The following FER1L6 variants were observed in gnomAD, a reference collection of about 807,000 sequenced individuals.
The protein encoded by FER1L6 is fer-1-like protein 6.
FER1L6 carries 177 observed loss-of-function variants against 219.2 expected under a neutral mutation model. That is an observed-to-expected ratio of 0.81 (90% CI 0.71 to 0.91). The LOEUF (loss-of-function observed/expected upper bound fraction) is 0.91, where lower values mean the gene tolerates loss of function less well. Among genes scored for constraint, FER1L6 ranks in the 40% least tolerant of loss-of-function variants. The pLI is 0.00. For synonymous variants in FER1L6, 768 were observed against 824.3 expected, an observed-to-expected ratio of 0.93 and a Z score of 1.17; for missense variants, 2,153 against 2,259.9, an observed-to-expected ratio of 0.95 and a Z score of 0.96.
At chr8:123,870,529 A>T (rs1816368) in intron 1 of FER1L6, among the ~76,000 whole-genome samples, 1 of 152,094 alleles carries the variant, frequency 6.6e-6, no homozygotes, top group Non-Finnish European at 1.5e-5. Flanking sequence ...TCTTCAATGC[A>T]TATTGCCAAG....
intron 13 of FER1L6, among the ~76,000 whole-genome samples, chr8:124,005,998 G>A (rs80169152): frequency 0.037 from 5,678 of 152,064 alleles, 225 homozygotes; most frequent in East Asian, 0.11. Flanking sequence ...GTAATTTTTC[G>A]TTCCCTGAAA....
intron 14 of FER1L6, 130 bp downstream of exon 14, chr8:124,010,844 A>G (rs1235210668): frequency 7.8e-7 from 1 of 1,279,030 alleles, no homozygotes; most frequent in African/African-American, 1.5e-5. Flanking sequence ...CTGCATTTGG[A>G]GGGCACGTGG....
intron 19 of FER1L6, among the ~76,000 whole-genome samples, chr8:124,038,299 A>G (rs115645160): frequency 0.018 from 2,688 of 152,298 alleles, 88 homozygotes; most frequent in African/African-American, 0.06. Context: ...TTTTCTTTGA[A>G]TGTGCTTTGG....
At chr8:123,973,560 A>C (rs753190863) in intron 7 of FER1L6, 48 bp downstream of exon 7, 5 of 1,405,144 alleles carry the variant, frequency 3.6e-6, no homozygotes, top group Non-Finnish European at 5.1e-6. Flanking sequence ...TCTTTGGTTT[A>C]TAGCACCTGG....
At chr8:123,991,723 A>G (rs1443096925) in intron 12 of FER1L6, among the ~76,000 whole-genome samples, 1 of 152,152 alleles carries the variant, frequency 6.6e-6, no homozygotes, top group African/African-American at 2.4e-5. Context: ...GACTTCCAGT[A>G]TTAAGTTGCA....
chr8:124,033,344 C>G (rs568164694), intron 18 of FER1L6, among the ~76,000 whole-genome samples: 1 of 152,026 alleles, frequency 6.6e-6, no homozygotes, highest in African/African-American at 2.4e-5. Flanking sequence ...GCTTTCAATA[C>G]GTATTAATTT....
chr8:123,932,617 G>T (rs572656690), intron 1 of FER1L6, among the ~76,000 whole-genome samples: 3 of 152,186 alleles, frequency 2.0e-5, no homozygotes, highest in African/African-American at 7.2e-5. Context: ...ATGCATTGGC[G>T]TAATGGTGGG....
chr8:124,057,478 C>T (rs1218597904), intron 22 of FER1L6, among the ~76,000 whole-genome samples: 1 of 152,076 alleles, frequency 6.6e-6, no homozygotes, highest in Non-Finnish European at 1.5e-5. Context: ...TTTTATAGAG[C>T]TTTTAAAACC....
intron 18 of FER1L6, 117 bp downstream of exon 18, chr8:124,023,713 G>A: frequency 1.8e-6 from 2 of 1,084,004 alleles, no homozygotes; most frequent in Non-Finnish European, 2.6e-6. Context: ...AAAGGTAGGA[G>A]GACAACTAGA....
intron 1 of FER1L6, among the ~76,000 whole-genome samples, chr8:123,873,605 C>A (rs544338080): frequency 6.6e-6 from 1 of 152,266 alleles, no homozygotes; most frequent in Non-Finnish European, 1.5e-5. Flanking sequence ...ATCTGCTAGC[C>A]TTCTCTGTTG....
chr8:123,937,923 G>A (rs1006312011), intron 1 of FER1L6, among the ~76,000 whole-genome samples: 1 of 152,144 alleles, frequency 6.6e-6, no homozygotes, highest in Non-Finnish European at 1.5e-5. Context: ...AACATCAGTC[G>A]TAATCTCTGA....
At chr8:124,069,317 C>A in intron 28 of FER1L6, 43 bp from the exon 29 acceptor site, 1 of 1,423,926 alleles carries the variant, frequency 7.0e-7, no homozygotes, top group South Asian at 1.2e-5. Context: ...TCCTTCTCAT[C>A]TCAACCGCCA....
At position 124,065,183 on chromosome 8, in the gene FER1L6, C is replaced by T. The variant is rs141094398; in HGVS notation, c.3555+610C>T. On this transcript the variant is annotated intron_variant, in intron 26 of 40. Coordinates refer to ENST00000522917, the MANE Select transcript of FER1L6 (RefSeq NM_001039112.2). ...CCGAGGTGAGTAGATCACTCGAGGC[C>T]AGGAGTTCAAGACCAGCCTGGCCAA... Among the ~76,000 whole-genome samples the T allele has an allele frequency of 7.5e-3, 1,134 of 151,772 alleles. 9 individuals are homozygous for T. The highest frequency in any genetic ancestry group is 9.3e-3 in the Non-Finnish European group (630 of 67,938).
intron 12 of FER1L6, among the ~76,000 whole-genome samples, chr8:123,998,528 G>C (rs1817254262): frequency 2.0e-5 from 3 of 151,860 alleles, no homozygotes; most frequent in Admixed American, 2.0e-4. Context: ...ACATCCCTGG[G>C]TCTCGCCTAA....
intron 1 of FER1L6, among the ~76,000 whole-genome samples, chr8:123,899,022 G>C (rs1045856179): frequency 1.3e-5 from 2 of 151,924 alleles, no homozygotes; most frequent in Admixed American, 6.6e-5. Flanking sequence ...TAGATACCTA[G>C]TATTGGGATT....
chr8:124,010,650 C>T lies in FER1L6; in HGVS notation c.1757C>T (p.Ser586Phe). 1 of 1,614,088 alleles carries T rather than the reference C, an allele frequency of 6.2e-7. No homozygotes were observed. Among genetic ancestry groups the T allele is most frequent in the East Asian group, 2.2e-5 (1 of 44,884 alleles). ...AAGCCCTGTGTCTATTTCATCAGCT[C>T]TTGGGGAGACCAGACCTTCAGGCTG... ...AKKPCVYFIS[S>F]WGDQTFRLHW... Residue 586 changes from serine (S) to phenylalanine (F), a missense_variant, in exon 14 of 41, where the codon TCT (serine) becomes TTT (phenylalanine). By Grantham distance (155) the Ser-to-Phe change is radical. Coordinates refer to ENST00000522917, the MANE Select transcript of FER1L6 (RefSeq NM_001039112.2).
At chr8:124,026,837 T>C (rs1231654984) in intron 18 of FER1L6, among the ~76,000 whole-genome samples, 6 of 152,194 alleles carry the variant, frequency 3.9e-5, no homozygotes, top group Non-Finnish European at 7.3e-5. Flanking sequence ...ATTAGATCAC[T>C]AGGGCTACTG....
intron 1 of FER1L6, among the ~76,000 whole-genome samples, chr8:123,870,537 A>G (rs146789332): frequency 3.9e-4 from 60 of 152,332 alleles, no homozygotes; most frequent in African/African-American, 1.3e-3. Context: ...GCATATTGCC[A>G]AGTGAAAAGA....
intron 37 of FER1L6, 30 bp downstream of exon 37, chr8:124,097,913 A>C: frequency 8.6e-7 from 1 of 1,157,556 alleles, no homozygotes; most frequent in Non-Finnish European, 1.3e-6. Context: ...CCAACCTCCC[A>C]TTTCCTTCCC....
Sources: allele counts gnomAD v4.1 joint callset (sites outside exome capture counted in the v4.1 genomes callset), GRCh38; gene constraint gnomAD v4.1.1; transcripts MANE v1.5; gene names NCBI Gene and HGNC (gene_info 2026-07-23, HGNC 2026-07-21).